The following TERT variants were observed in gnomAD, a reference collection of about 807,000 sequenced individuals.
TERT encodes telomerase catalytic subunit.
TERT carries 42 observed loss-of-function variants against 104.0 expected under a neutral mutation model. The ratio of observed to expected loss-of-function variants is 0.40; its 90% CI spans 0.32 to 0.52. The LOEUF is 0.52. TERT is among the 20% of genes least tolerant of loss of function. The pLI is 0.43. For missense variants in TERT, 1,101 were observed against 1,610.3 expected, an observed-to-expected ratio of 0.68 and a Z score of 5.41; for synonymous variants, 781 against 725.6, an observed-to-expected ratio of 1.08 and a Z score of -1.23.
intron 6 of TERT, 94 bp from the exon 7 acceptor site, chr5:1,272,374 G>C: frequency 8.9e-7 from 1 of 1,117,564 alleles, no homozygotes; most frequent in Non-Finnish European, 1.3e-6. Context: ...GTGGACCTGC[G>C]GCCAAGCCCG....
At chr5:1,290,169 C>T (rs374999488) in intron 2 of TERT, among the ~76,000 whole-genome samples, 2 of 73,962 alleles carry the variant, frequency 2.7e-5, no homozygotes, top group Non-Finnish European at 2.4e-5. Flanking sequence ...CAGGGACACC[C>T]GGGGACAGTG....
chr5:1,255,503 T>C lies in TERT; in HGVS notation c.3033-92A>G, dbSNP rs1029814635. ...ATGGGCCCACCGGTGCCTGTGTGCGTGCATGAATGCACATGCATGGGTTTC... is the reference window on the plus strand; with the variant it reads ...ATGGGCCCACCGGTGCCTGTGTGCGCGCATGAATGCACATGCATGGGTTTC... On this transcript the variant is annotated intron_variant, in intron 13 of 15. Coordinates refer to ENST00000310581, the MANE Select transcript of TERT (RefSeq NM_198253.3). The surrounding 1 kb of genome is among the most constrained non-coding windows in gnomAD (Gnocchi z 6.9). The C allele has an allele frequency of 6.5e-7, 1 of 1,530,628 alleles. No individual in the cohort carries two copies. The highest frequency in any genetic ancestry group is 1.8e-4 in the Middle Eastern group (1 of 5,550). 94.8% of individuals were successfully genotyped at this position (1,530,628 alleles called of 1,614,324 possible).
chr5:1,273,275 C>CTGTG (rs1561198809), intron 6 of TERT, among the ~76,000 whole-genome samples: 1 of 16,364 alleles, frequency 6.1e-5, no homozygotes. Context: ...CATCAGACCC[C>CTGTG]ACGACCGCCA....
rs2126644875 is a variant in TERT, at chr5:1,280,355, C to G, written c.1770-17G>C. The stretch of plus-strand genomic sequence containing the variant: ...AAGTGCTGTCTGCAATAGAGAGCCC[C>G]TCAGGAGGCTTGCTCAGCCAGACAA... On this transcript the variant is annotated splice_polypyrimidine_tract_variant and intron_variant, in intron 3 of 15. Transcript: ENST00000310581. The G allele has an allele frequency of 3.1e-6, 5 of 1,610,946 alleles. No homozygotes were observed. Among genetic ancestry groups the G allele is most frequent in the Non-Finnish European group, 4.2e-6 (5 of 1,179,736 alleles).
intron 2 of TERT, among the ~76,000 whole-genome samples, chr5:1,291,234 C>A (rs1244648268): frequency 3.5e-5 from 4 of 113,948 alleles, no homozygotes; most frequent in South Asian, 3.4e-4. Flanking sequence ...CCGCGCCTCA[C>A]TCACCCTACA....
intron 5 of TERT, 93 bp downstream of exon 5, chr5:1,279,198 C>A: frequency 7.0e-7 from 1 of 1,426,658 alleles, no homozygotes; most frequent in South Asian, 1.3e-5. Flanking sequence ...TGCGGCCCAC[C>A]CAGGAGTACC....
At position 1,268,407 on chromosome 5, in the gene TERT, G is replaced by A. The variant is rs1748770463; in HGVS notation, c.2582+113C>T. 2 of 846,664 alleles carry A rather than the reference G, an allele frequency of 2.4e-6. No individual in the cohort carries two copies. Among genetic ancestry groups the A allele is most frequent in the African/African-American group, 1.7e-5 (1 of 59,722 alleles). The allele number at this position is 846,664 out of a possible 1,614,324, so 52.4% of individuals were successfully genotyped here. A position where few individuals can be genotyped will look rare whatever the true frequency, so the allele number is the denominator to read the frequency against. ...CAAGAAGGGGCTGCAACCTTGTCTG[G>A]TTCCTCAAGACAGAGCAGTCATGGT... On this transcript the variant is annotated intron_variant, in intron 9 of 15. Transcript: ENST00000310581. The surrounding 1 kb of genome is among the most constrained non-coding windows in gnomAD (Gnocchi z 5.5).
chr5:1,281,387 G>T (rs924321343), intron 3 of TERT, among the ~76,000 whole-genome samples: 6 of 152,324 alleles, frequency 3.9e-5, no homozygotes, highest in African/African-American at 1.4e-4. Context: ...GGGGCATGGG[G>T]TGTCACAAGG....
At chr5:1,271,532 C>A (rs1329450150) in intron 7 of TERT, among the ~76,000 whole-genome samples, 1 of 152,220 alleles carries the variant, frequency 6.6e-6, no homozygotes, top group Non-Finnish European at 1.5e-5. Context: ...TGGGTCCCAG[C>A]AGCCCAGGCC....
chr5:1,294,893 G>A lies in TERT; in HGVS notation c.97C>T (p.Pro33Ser), dbSNP rs199422289. 1.4e-6 allele frequency: 2 copies of A among 1,434,914 alleles called. No individual in the cohort carries two copies. The highest frequency in any genetic ancestry group is 9.1e-7 in the Non-Finnish European group (1 of 1,099,208). 88.9% of individuals were successfully genotyped at this position (1,434,914 alleles called of 1,614,324 possible). The change falls in exon 1 of 16, where the codon CCC becomes TCC. Residue 33 changes from proline (P) to serine (S), a missense_variant. By Grantham distance (74) the Pro-to-Ser change is moderately conservative (BLOSUM62 -1). Transcript: ENST00000310581. ...PLATFVRRLG[P>S]QGWRLVQRGD... The stretch of plus-strand genomic sequence containing the variant: ...CGCTGCACCAGCCGCCAGCCCTGGG[G>A]CCCCAGGCGCCGCACGAACGTGGCC...
At chr5:1,272,164 C>T (rs370677581) in intron 7 of TERT, 21 bp downstream of exon 7, 3 of 1,591,536 alleles carry the variant, frequency 1.9e-6, no homozygotes, top group Non-Finnish European at 2.6e-6. Flanking sequence ...CGTGCCCAAC[C>T]CTGCAGGGCA....
chr5:1,286,994 G>A lies in TERT; in HGVS notation c.1574-4370C>T, dbSNP rs1024578288. Among the ~76,000 whole-genome samples the A allele has an allele frequency of 1.4e-4, 22 of 152,154 alleles. No homozygotes were observed. Among genetic ancestry groups the A allele is most frequent in the African/African-American group, 5.1e-4 (21 of 41,432 alleles). On this transcript the variant is annotated intron_variant, in intron 2 of 15. Coordinates refer to ENST00000310581, the MANE Select transcript of TERT (RefSeq NM_198253.3). This position sits in a 1 kb window ranked among gnomAD's most constrained non-coding sequence, Gnocchi z 5.3. ...GAGAGGATCAACACACACTCGGCAG[G>A]AAACGCACATGGCAACCCAAGAGGT... is the stretch of plus-strand genomic sequence containing the variant.
rs943444560 is a variant in TERT, at chr5:1,293,658, T to G, written c.1228A>C (p.Lys410Gln). 2 of 1,564,012 alleles carry G rather than the reference T, an allele frequency of 1.3e-6. No homozygotes were observed. Among genetic ancestry groups the G allele is most frequent in the African/African-American group, 1.3e-5 (1 of 74,088 alleles). ...HAQCPYGVLL[K>Q]THCPLRAAVT... Reference sequence around the variant, plus strand: ...GCAGCTCGCAGCGGGCAGTGCGTCTTGAGGAGCACCCCGTAGGGGCACTGC... The same window carrying G: ...GCAGCTCGCAGCGGGCAGTGCGTCTGGAGGAGCACCCCGTAGGGGCACTGC... The change falls in exon 2 of 16, where the codon AAG becomes CAG. Residue 410 changes from lysine to glutamine, a missense_variant. Physicochemically the swap from Lys to Gln is moderately conservative, Grantham distance 53. Transcript: ENST00000310581.
intron 9 of TERT, 137 bp from the exon 10 acceptor site, chr5:1,266,672 T>A: frequency 1.3e-6 from 1 of 786,060 alleles, no homozygotes. Flanking sequence ...ATGAAAAACT[T>A]AAATTTCTTT....
At chr5:1,289,380 G>GGACGGC (rs1750717346) in intron 2 of TERT, among the ~76,000 whole-genome samples, 1 of 49,474 alleles carries the variant, frequency 2.0e-5, no homozygotes, top group Admixed American at 2.1e-4. Flanking sequence ...CCGGGGACGG[G>GGACGGC]GCCTCACTCA....
At chr5:1,279,560 C>T (rs1321043994) in intron 4 of TERT, 90 bp from the exon 5 acceptor site, 1 of 1,283,750 alleles carries the variant, frequency 7.8e-7, no homozygotes, top group Non-Finnish European at 1.1e-6. Context: ...AGCAGCCCCT[C>T]CCCAGTGTCC....
At chr5:1,291,519 AGTG>A (rs1236209958) in intron 2 of TERT, among the ~76,000 whole-genome samples, 5 of 31,492 alleles carry the variant, frequency 1.6e-4, no homozygotes, top group African/African-American at 1.6e-4. Context: ...ACCCGGGGAC[AGTG>A]CCTCACTCAC....
Position 1,272,341 on chromosome 5 carries a change from C to T in TERT, c.2287-61G>A, listed in dbSNP as rs1749108614. ...GGCCTGCCCCGGCCAGAGCTGGGCA[C>T]TTGTTTCTTCCGATCAGGACGTGTG... On this transcript the variant is annotated intron_variant, in intron 6 of 15. Transcript: ENST00000310581. 8 of 1,401,240 alleles carry T rather than the reference C, an allele frequency of 5.7e-6. No individual in the cohort carries two copies. In the South Asian group the frequency reaches 6.1e-5, roughly 11 times the overall value. 86.8% of individuals were successfully genotyped at this position (1,401,240 alleles called of 1,614,324 possible).
At position 1,261,746 on chromosome 5, in the gene TERT, G is replaced by C. The variant is rs1748246873; in HGVS notation, c.2844-1146C>G. Among the ~76,000 whole-genome samples, 1 of 152,124 alleles carries C rather than the reference G, an allele frequency of 6.6e-6. No individual in the cohort carries two copies. The highest frequency in any genetic ancestry group is 2.1e-4 in the South Asian group (1 of 4,826). ...CACAGCCATCCCCAACACGACCTTG[G>C]GCTCCGGCTCACCCTGAGCCTATGG... On this transcript the variant is annotated intron_variant, in intron 11 of 15. Transcript: ENST00000310581. This position sits in a 1 kb window ranked among gnomAD's most constrained non-coding sequence, Gnocchi z 7.4.
Sources: allele counts gnomAD v4.1 joint callset (sites outside exome capture counted in the v4.1 genomes callset), GRCh38; gene constraint gnomAD v4.1.1; non-coding constraint Gnocchi (gnomAD v3.1); transcripts MANE v1.5; gene names NCBI Gene and HGNC (gene_info 2026-07-23, HGNC 2026-07-21).